Variants in RGS12 observed in about 807,000 individuals in gnomAD.
The protein encoded by RGS12 is regulator of G protein signaling 12, also known as regulator of G-protein signaling 12.
Under a neutral mutation model 120.1 loss-of-function variants are expected in RGS12, and 66 were observed. That is an observed-to-expected ratio of 0.55 (90% CI 0.45 to 0.67). The LOEUF (loss-of-function observed/expected upper bound fraction) is 0.67. Among genes scored for constraint, RGS12 ranks in the 30% least tolerant of loss-of-function variants. The pLI, the probability that RGS12 is intolerant of heterozygous loss-of-function variation, is 0.00. For synonymous variants in RGS12, 827 were observed against 804.7 expected (o/e 1.03, Z -0.47); for missense variants, 1,859 against 1,957.7 (o/e 0.95, Z 0.95).
intron 2 of RGS12, among the ~76,000 whole-genome samples, chr4:3,341,170 G>A (rs1388623847): frequency 6.8e-6 from 1 of 146,996 alleles, no homozygotes; most frequent in Non-Finnish European, 1.5e-5. Flanking sequence ...TAGGGGCTGT[G>A]GGCGGAGGGG....
intron 6 of RGS12, 107 bp downstream of exon 6, chr4:3,414,951 G>A: frequency 7.8e-6 from 6 of 770,254 alleles, no homozygotes; most frequent in South Asian, 1.5e-5. Flanking sequence ...TGTGAGGGGT[G>A]TGTGTGAGGG....
chr4:3,288,946 G>A (rs551964978), upstream of RGS12, among the ~76,000 whole-genome samples: 26 of 152,180 alleles, frequency 1.7e-4, no homozygotes, highest in Admixed American at 1.4e-3. This position sits in a 1 kb window ranked among gnomAD's most constrained non-coding sequence, Gnocchi z 5.2. Flanking sequence ...AGAGTGGGCT[G>A]ACTCCAGCCT....
At chr4:3,357,441 C>G (rs374721030) in intron 3 of RGS12, among the ~76,000 whole-genome samples, 1 of 152,132 alleles carries the variant, frequency 6.6e-6, no homozygotes, top group Non-Finnish European at 1.5e-5. Context: ...TCCAGGAAAT[C>G]ATTGCCAAAT....
Position 3,294,909 on chromosome 4 carries a change from A to T in RGS12, c.-102+1810A>T, listed in dbSNP as rs190375472. Among the ~76,000 whole-genome samples, 205 of 152,216 alleles carry T rather than the reference A, an allele frequency of 1.3e-3. 1 individual carries two copies. The highest frequency in any genetic ancestry group is 4.3e-3 in the African/African-American group (180 of 41,522). ...GGCCCCTCACGTGGACTGGAGGTAC[A>T]GTACTGACCTGTGGAGTGCTCAGGA... On this transcript the variant is annotated intron_variant, in intron 1 of 17. Transcript: ENST00000336727.
chr4:3,370,844 A>C (rs1258608045), intron 3 of RGS12, among the ~76,000 whole-genome samples: 3 of 152,240 alleles, frequency 2.0e-5, no homozygotes, highest in Non-Finnish European at 2.9e-5. Flanking sequence ...AAGTTACTCT[A>C]AAATGGCTTT....
chr4:3,434,590 G>A (rs146573202), intron 17 of RGS12, among the ~76,000 whole-genome samples: 5 of 152,184 alleles, frequency 3.3e-5, no homozygotes, highest in South Asian at 2.1e-4. Context: ...GCTGTGTCCC[G>A]CCTTTAGCAG....
chr4:3,300,014 G>A (rs892755149), intron 1 of RGS12, among the ~76,000 whole-genome samples: 1 of 152,220 alleles, frequency 6.6e-6, no homozygotes, highest in Non-Finnish European at 1.5e-5. Flanking sequence ...TTCTAACTCT[G>A]TGCTGCAGTT....
At chr4:3,397,260 C>T (rs955517246) in intron 4 of RGS12, among the ~76,000 whole-genome samples, 2 of 152,122 alleles carry the variant, frequency 1.3e-5, no homozygotes, top group African/African-American at 2.4e-5. Flanking sequence ...CTCTGGGTGC[C>T]GAGGTGGGCT....
At chr4:3,384,221 C>A (rs901543212) in intron 3 of RGS12, among the ~76,000 whole-genome samples, 1 of 152,164 alleles carries the variant, frequency 6.6e-6, no homozygotes, top group Non-Finnish European at 1.5e-5. Flanking sequence ...GTGGCACGAT[C>A]TCGGCTCATT....
chr4:3,415,520 C>G (rs1018569172), intron 6 of RGS12, among the ~76,000 whole-genome samples: 1 of 152,186 alleles, frequency 6.6e-6, no homozygotes, highest in African/African-American at 2.4e-5. Flanking sequence ...GCAGCTCCTC[C>G]TGCGCCTCGT....
At chr4:3,370,428 T>C in intron 3 of RGS12, 1 of 1,073,430 alleles carries the variant, frequency 9.3e-7, no homozygotes, top group Non-Finnish European at 1.4e-6. Flanking sequence ...CAAATGCTTG[T>C]AAGGATAAGC....
Position 3,413,167 on chromosome 4 carries a change from C to A in RGS12, c.2021-905C>A, listed in dbSNP as rs1344887899. The A allele has an allele frequency of 5.4e-3, 74 of 13,806 alleles. 1 individual carries two copies. Among genetic ancestry groups the A allele is most frequent in the African/African-American group, 0.03 (53 of 1,752 alleles). The allele number at this position is 13,806 out of a possible 1,614,324, so 0.9% of individuals were successfully genotyped here. On this transcript the variant is annotated intron_variant, in intron 4 of 17. Transcript: ENST00000336727. ...GCTCGCGTCAGGAGGGACGGGGGCG[C>A]CCCCACACTGCTCGCGTCAGGAGGG...
At chr4:3,409,606 G>C (rs1721517167) in intron 4 of RGS12, among the ~76,000 whole-genome samples, 1 of 152,238 alleles carries the variant, frequency 6.6e-6, no homozygotes, top group African/African-American at 2.4e-5. Context: ...GAACAGGGGA[G>C]GTGGGCCCGG....
intron 3 of RGS12, among the ~76,000 whole-genome samples, chr4:3,355,503 A>G (rs753531604): frequency 6.6e-6 from 1 of 152,230 alleles, no homozygotes; most frequent in African/African-American, 2.4e-5. Flanking sequence ...TGATTGTAAC[A>G]GAAGATCCAA....
chr4:3,416,770 G>A (rs1381547672), intron 7 of RGS12, 143 bp from the exon 8 acceptor site: 2 of 727,294 alleles, frequency 2.7e-6, no homozygotes, highest in Non-Finnish European at 4.6e-6. Flanking sequence ...AGTACCCTCA[G>A]GGCTGGCGGG....
intron 3 of RGS12, among the ~76,000 whole-genome samples, chr4:3,368,468 T>G (rs1474034083): frequency 9.4e-6 from 1 of 106,672 alleles, no homozygotes; most frequent in Non-Finnish European, 1.9e-5. Flanking sequence ...CCTTTGTGTG[T>G]GGGGGTGCCT....
chr4:3,379,139 T>TA (rs1402401539), intron 3 of RGS12, among the ~76,000 whole-genome samples: 1 of 152,058 alleles, frequency 6.6e-6, no homozygotes, highest in Non-Finnish European at 1.5e-5. Flanking sequence ...TGGCTTCACT[T>TA]ACATGTGGAC....
intron 3 of RGS12, chr4:3,370,253 G>T (rs761036493): frequency 1.2e-6 from 2 of 1,613,834 alleles, no homozygotes; most frequent in Non-Finnish European, 1.7e-6. Context: ...GCCTAGTGTG[G>T]CTCGGTGCCT....
In RGS12 at chr4:3,397,294, C is replaced by T. The variant is rs180765444; in HGVS notation, c.2020+10857C>T. ...CTGTGGTGGGATGCCACACTGGCTGCGATAGAAGAAGAAGGAGCTGTGCAA... is the reference window on the plus strand; with the variant it reads ...CTGTGGTGGGATGCCACACTGGCTGTGATAGAAGAAGAAGGAGCTGTGCAA... On this transcript the variant is annotated intron_variant, in intron 4 of 17. Coordinates refer to ENST00000336727, the MANE Select transcript of RGS12 (RefSeq NM_001394154.1). Among the ~76,000 whole-genome samples the T allele has an allele frequency of 1.2e-4, 19 of 152,278 alleles. 1 individual carries two copies. The South Asian group carries it at 2.5e-3, about 20-fold the overall frequency.
Sources: allele counts gnomAD v4.1 joint callset (sites outside exome capture counted in the v4.1 genomes callset), GRCh38; gene constraint gnomAD v4.1.1; non-coding constraint Gnocchi (gnomAD v3.1); transcripts MANE v1.5; gene names NCBI Gene and HGNC (gene_info 2026-07-23, HGNC 2026-07-21).